DIAPH1: variants seen among roughly 807,000 people sequenced by gnomAD.
DIAPH1 encodes the protein protein diaphanous homolog 1.
In DIAPH1, 46 loss-of-function variants were observed where a neutral mutation model predicts 140.7. The observed-to-expected ratio is 0.33, with a 90% CI of 0.26 to 0.42. The LOEUF (loss-of-function observed/expected upper bound fraction) is 0.42. Ranked by LOEUF, DIAPH1 falls within the 10% of genes least tolerant of loss-of-function variation. DIAPH1 has a pLI of 1.00. For missense variants in DIAPH1, 1,310 were observed against 1,558.7 expected, an observed-to-expected ratio of 0.84 and a Z score of 2.69; for synonymous variants, 565 against 551.6, an observed-to-expected ratio of 1.02 and a Z score of -0.34.
intron 18 of DIAPH1, chr5:141,561,026 C>T: frequency 4.6e-6 from 2 of 434,016 alleles, no homozygotes; most frequent in South Asian, 3.2e-5. Context: ...TCTCTGACCT[C>T]ACAATCTGGA....
intron 18 of DIAPH1, among the ~76,000 whole-genome samples, chr5:141,541,568 C>G (rs1334856027): frequency 1.3e-5 from 2 of 151,378 alleles, no homozygotes; most frequent in Non-Finnish European, 2.9e-5. Context: ...GCCTGTAATC[C>G]CAGGTACTCG....
At chr5:141,537,444 T>C (rs368471067) in intron 18 of DIAPH1, among the ~76,000 whole-genome samples, 18 of 132,276 alleles carry the variant, frequency 1.4e-4, no homozygotes, top group African/African-American at 4.7e-4. Flanking sequence ...GATCGCGCCA[T>C]TGCACTGCAG....
At chr5:141,518,176 A>G (rs1051332538) in intron 27 of DIAPH1, among the ~76,000 whole-genome samples, 1 of 152,202 alleles carries the variant, frequency 6.6e-6, no homozygotes, top group Non-Finnish European at 1.5e-5. Context: ...GGGGATTATG[A>G]AGTTTTTCTT....
At chr5:141,521,120 G>A (rs1026239278) in intron 27 of DIAPH1, among the ~76,000 whole-genome samples, 5 of 152,002 alleles carry the variant, frequency 3.3e-5, no homozygotes, top group Admixed American at 1.3e-4. Context: ...CACCTTATCT[G>A]GTTTTAATCC....
chr5:141,575,628 G>A (rs1409051240), intron 14 of DIAPH1, among the ~76,000 whole-genome samples: 1 of 151,320 alleles, frequency 6.6e-6, no homozygotes, highest in African/African-American at 2.4e-5. Context: ...CAGCCTGGAT[G>A]ACAGAGTGAG....
chr5:141,516,693 T>G lies in DIAPH1; in HGVS notation c.*158A>C. 2.5e-6 allele frequency: 2 copies of G among 800,410 alleles called. No individual in the cohort carries two copies. Among genetic ancestry groups the G allele is most frequent in the Non-Finnish European group, 4.1e-6 (2 of 484,726 alleles). The allele number at this position is 800,410 out of a possible 1,614,324, so 49.6% of individuals were successfully genotyped here. On this transcript the variant is annotated 3_prime_UTR_variant, in exon 28 of 28. Transcript: ENST00000389054. ...TGGCCTCCAGGCAGCTGAAGCTGTA[T>G]GTGATGTTGAGAGAGCAGCAGGCCA...
intron 19 of DIAPH1, among the ~76,000 whole-genome samples, chr5:141,534,082 T>C (rs1011200909): frequency 6.6e-6 from 1 of 150,878 alleles, no homozygotes; most frequent in East Asian, 1.9e-4. Flanking sequence ...ACCTCCTTCT[T>C]ACTAGCTTTA....
chr5:141,527,664 TG>T lies in DIAPH1; in HGVS notation c.3181del (p.Gln1061ArgfsTer2). 3 of 1,596,332 alleles carry T rather than the reference TG, an allele frequency of 1.9e-6. No individual in the cohort carries two copies. Among genetic ancestry groups the T allele is most frequent in the Non-Finnish European group, 2.6e-6 (3 of 1,174,592 alleles). On this transcript the variant is annotated frameshift_variant, in exon 24 of 28. Coordinates refer to ENST00000389054, the MANE Select transcript of DIAPH1 (RefSeq NM_005219.5). LOFTEE classifies it high-confidence loss of function. ...CACATCAGAAATTTGTTTCTTCATCTGATCTAGGTTCTTTTGCAAGTTTTCA... is the reference window on the plus strand; with the variant it reads ...CACATCAGAAATTTGTTTCTTCATCTATCTAGGTTCTTTTGCAAGTTTTCA... ...SAENLQKNLD[Q>X]MKKQISDVER...
At chr5:141,579,977 G>GT (rs2099896512) in intron 8 of DIAPH1, among the ~76,000 whole-genome samples, 2 of 150,954 alleles carry the variant, frequency 1.3e-5, no homozygotes, top group East Asian at 1.9e-4. Context: ...AAAAAAATCT[G>GT]TAAGTCCAGC....
At chr5:141,524,607 A>T in intron 26 of DIAPH1, 1 of 338,724 alleles carries the variant, frequency 3.0e-6, no homozygotes, top group South Asian at 2.4e-5. Flanking sequence ...CTTTTATCCT[A>T]AAGTGTTTTG....
intron 27 of DIAPH1, among the ~76,000 whole-genome samples, chr5:141,517,297 T>G (rs1287388575): frequency 6.6e-6 from 1 of 152,150 alleles, no homozygotes; most frequent in Non-Finnish European, 1.5e-5. Flanking sequence ...TGGGCTGAAG[T>G]GTTAGCTATG....
At position 141,527,690 on chromosome 5, in the gene DIAPH1, A is replaced by G; in HGVS notation, c.3156T>C (p.Ala1052=). The G allele has an allele frequency of 7.0e-7, 1 of 1,428,262 alleles. No homozygotes were observed. 88.5% of individuals were successfully genotyped at this position (1,428,262 alleles called of 1,614,324 possible). The change falls in exon 24 of 28, where the codon GCT becomes GCC. Residue 1052 remains alanine (A), a synonymous_variant. Transcript: ENST00000389054. The part of the protein sequence containing the change: ...AHVEKASRVS[A]ENLQKNLDQM... ...GATCTAGGTTCTTTTGCAAGTTTTC[A>G]GCAGAAACTAAAAAAAAAAAAAAAA... is the stretch of plus-strand genomic sequence containing the variant.
chr5:141,587,312 A>AG (rs1447825706), intron 2 of DIAPH1, 115 bp from the exon 3 acceptor site: 5 of 1,050,830 alleles, frequency 4.8e-6, no homozygotes. Context: ...CTGGTTCACA[A>AG]GCAGTTCAAG....
rs2099903155 is a variant in DIAPH1, at chr5:141,618,945, GC to G, written c.-32del. On this transcript the variant is annotated 5_prime_UTR_variant, in exon 1 of 28. Coordinates refer to ENST00000389054, the MANE Select transcript of DIAPH1 (RefSeq NM_005219.5). Reference sequence around the variant, plus strand: ...GGTTCACGCTGGCCGGCGACCCCGCGCCTACGCCGCTCCCGCCTGGCAGCTC... The same window carrying G: ...GGTTCACGCTGGCCGGCGACCCCGCGCTACGCCGCTCCCGCCTGGCAGCTC... 5 of 1,311,122 alleles carry G rather than the reference GC, an allele frequency of 3.8e-6. No individual in the cohort carries two copies. The highest frequency in any genetic ancestry group is 5.1e-6 in the Non-Finnish European group (5 of 979,698). The allele number at this position is 1,311,122 out of a possible 1,614,324, so 81.2% of individuals were successfully genotyped here. A position where few individuals can be genotyped will look rare whatever the true frequency, so the allele number is the denominator to read the frequency against.
chr5:141,540,985 G>A (rs921618228), intron 18 of DIAPH1, among the ~76,000 whole-genome samples: 4 of 152,056 alleles, frequency 2.6e-5, no homozygotes, highest in Non-Finnish European at 4.4e-5. Context: ...GCTTGAGCCC[G>A]GGAGGGGGAA....
intron 18 of DIAPH1, among the ~76,000 whole-genome samples, chr5:141,570,678 A>C (rs1487030100): frequency 1.3e-5 from 2 of 152,140 alleles, no homozygotes; most frequent in African/African-American, 4.8e-5. Context: ...CCAAAGTTGC[A>C]CTTAATTTTC....
rs375424442 is a variant in DIAPH1 at position 141,578,359 on chromosome 5, G to A, written c.1045-16C>T. Reference sequence around the variant, plus strand: ...CTCGAAGGTCCTGTCAACAACAAAAGTAGAAGTCAGGGAACCCAAAAGTAT... The same window carrying A: ...CTCGAAGGTCCTGTCAACAACAAAAATAGAAGTCAGGGAACCCAAAAGTAT... On this transcript the variant is annotated splice_polypyrimidine_tract_variant and intron_variant, in intron 10 of 27. Transcript: ENST00000389054. The A allele has an allele frequency of 1.6e-5, 25 of 1,603,998 alleles. No individual in the cohort carries two copies. Among genetic ancestry groups the A allele is most frequent in the African/African-American group, 1.2e-4 (9 of 74,772 alleles).
At chr5:141,522,856 T>A (rs2099886772) in intron 27 of DIAPH1, among the ~76,000 whole-genome samples, 1 of 152,192 alleles carries the variant, frequency 6.6e-6, no homozygotes, top group Non-Finnish European at 1.5e-5. Context: ...AGAAAATGGG[T>A]AAGAACTTTG....
chr5:141,547,456 G>A (rs897670314), intron 18 of DIAPH1, among the ~76,000 whole-genome samples: 5 of 150,820 alleles, frequency 3.3e-5, no homozygotes, highest in Non-Finnish European at 7.4e-5. Flanking sequence ...CAGAGACTCC[G>A]CCTCAAAAAT....
Sources: gnomAD v4.1 joint callset for allele counts (sites outside exome capture counted in the v4.1 genomes callset) on GRCh38, gnomAD v4.1.1 for gene constraint, MANE v1.5 for transcripts, NCBI Gene and HGNC (gene_info 2026-07-23, HGNC 2026-07-21) for gene names.